The following GPM6A variants were observed in gnomAD, a reference collection of about 807,000 sequenced individuals.
GPM6A encodes the protein glycoprotein M6A.
Under a neutral mutation model 32.1 loss-of-function variants are expected in GPM6A, and 7 were observed. The ratio of observed to expected loss-of-function variants is 0.22; its 90% confidence interval spans 0.12 to 0.41. GPM6A has a LOEUF of 0.41. Ranked by LOEUF, GPM6A falls within the 10% of genes least tolerant of loss-of-function variation. GPM6A has a pLI of 1.00. For synonymous variants in GPM6A, 130 were observed against 123.4 expected (o/e 1.05, Z -0.35); for missense variants, 235 against 347.2 (o/e 0.68, Z 2.57).
chr4:175,667,524 C>CT (rs1232607602), intron 3 of GPM6A, among the ~76,000 whole-genome samples: 9 of 151,928 alleles, frequency 5.9e-5, no homozygotes, highest in African/African-American at 2.2e-4. Context: ...GAACATTTTA[C>CT]AAAAACTAAG....
At chr4:175,674,402 C>T (rs956802249) in intron 2 of GPM6A, among the ~76,000 whole-genome samples, 1 of 152,134 alleles carries the variant, frequency 6.6e-6, no homozygotes, top group Non-Finnish European at 1.5e-5. Context: ...GTTCAAACTC[C>T]TGAGCTCAGG....
chr4:175,729,439 C>A (rs1174790646), intron 1 of GPM6A, among the ~76,000 whole-genome samples: 1 of 152,040 alleles, frequency 6.6e-6, no homozygotes, highest in South Asian at 2.1e-4. Context: ...TCACTATTGA[C>A]AAGTGGGAAG....
chr4:175,683,445 G>C (rs1267498637), intron 2 of GPM6A, among the ~76,000 whole-genome samples: 5 of 152,132 alleles, frequency 3.3e-5, no homozygotes, highest in Non-Finnish European at 1.5e-5. Flanking sequence ...TGTTGGGAAG[G>C]CATGATTATA....
At chr4:175,913,356 A>G (rs989640548) in intron 1 of GPM6A, among the ~76,000 whole-genome samples, 2 of 152,242 alleles carry the variant, frequency 1.3e-5, no homozygotes, top group Non-Finnish European at 2.9e-5. Context: ...GCATCTATGT[A>G]AAGACACTGT....
intron 1 of GPM6A, among the ~76,000 whole-genome samples, chr4:175,928,058 G>A (rs569967154): frequency 5.3e-5 from 8 of 152,174 alleles, no homozygotes; most frequent in East Asian, 1.9e-4. Flanking sequence ...TAAGGAGGAC[G>A]TGAAACTGCA....
chr4:175,735,605 G>C (rs540592182), intron 1 of GPM6A, among the ~76,000 whole-genome samples: 97 of 151,958 alleles, frequency 6.4e-4, no homozygotes, highest in Non-Finnish European at 1.0e-3. Context: ...TGTCACCCAG[G>C]CTGGAGTGCA....
chr4:175,651,602 A>T lies in GPM6A; in HGVS notation c.541+232T>A, dbSNP rs374789413. 7.9e-5 allele frequency among the ~76,000 whole-genome samples: 12 copies of T among 152,276 alleles called. No homozygotes were observed. The East Asian group carries it at 2.3e-3, about 29-fold the overall frequency. ...TCAATATCAGGTAATGTGATCTGACATCCTGGTCAATATACATGTGTATAT... is the reference window on the plus strand; with the variant it reads ...TCAATATCAGGTAATGTGATCTGACTTCCTGGTCAATATACATGTGTATAT... On this transcript the variant is annotated intron_variant, in intron 4 of 6. Transcript: ENST00000393658.
At chr4:175,696,080 A>G (rs1182331229) in intron 2 of GPM6A, among the ~76,000 whole-genome samples, 3 of 152,172 alleles carry the variant, frequency 2.0e-5, no homozygotes, top group African/African-American at 7.2e-5. Flanking sequence ...TTCAGAGTAG[A>G]TGTCATTATT....
intron 6 of GPM6A, among the ~76,000 whole-genome samples, chr4:175,639,091 G>A (rs544956831): frequency 1.6e-4 from 25 of 152,120 alleles, no homozygotes; most frequent in African/African-American, 6.0e-4. Context: ...GTTGAGCAAC[G>A]CTAAAGTAAC....
At position 175,763,948 on chromosome 4, in the gene GPM6A, G is replaced by T. The variant is rs867635932; in HGVS notation, c.37+48243C>A. On this transcript the variant is annotated intron_variant, in intron 1 of 6. Transcript: ENST00000393658. Reference sequence around the variant, plus strand: ...TGCAGTTATCAGAAACATGATTTTGGAAATGTTGTTTTAGTCAATAAGTAA... The same window carrying T: ...TGCAGTTATCAGAAACATGATTTTGTAAATGTTGTTTTAGTCAATAAGTAA... Among the ~76,000 whole-genome samples, 4 of 152,172 alleles carry T rather than the reference G, an allele frequency of 2.6e-5. No homozygotes were observed. In the Middle Eastern group the frequency reaches 0.01, roughly 388 times the overall value.
intron 1 of GPM6A, among the ~76,000 whole-genome samples, chr4:175,770,715 A>G (rs970094240): frequency 6.6e-6 from 1 of 152,120 alleles, no homozygotes; most frequent in Non-Finnish European, 1.5e-5. Context: ...TTGCTGCCTC[A>G]TGGATGACCT....
At chr4:175,914,042 G>A (rs1451106598) in intron 1 of GPM6A, among the ~76,000 whole-genome samples, 5 of 152,060 alleles carry the variant, frequency 3.3e-5, no homozygotes, top group Non-Finnish European at 4.4e-5. Flanking sequence ...AAGCCACAGA[G>A]ACACAAGTCA....
chr4:175,742,557 C>T (rs1731929786), intron 1 of GPM6A, among the ~76,000 whole-genome samples: 1 of 152,088 alleles, frequency 6.6e-6, no homozygotes, highest in East Asian at 1.9e-4. Context: ...GAAAAGAATA[C>T]AGAAGTACAC....
At chr4:175,796,686 G>T (rs1483136787) in intron 1 of GPM6A, among the ~76,000 whole-genome samples, 1 of 152,088 alleles carries the variant, frequency 6.6e-6, no homozygotes, top group East Asian at 1.9e-4. Flanking sequence ...ACCAAATTTG[G>T]ATTATAATTT....
chr4:175,814,626 T>C (rs982807392), upstream of GPM6A, among the ~76,000 whole-genome samples: 1 of 152,222 alleles, frequency 6.6e-6, no homozygotes, highest in Non-Finnish European at 1.5e-5. Context: ...AAACAGGCTT[T>C]TTCATGTGAC....
At chr4:175,805,534 A>C (rs1050044351) in intron 1 of GPM6A, among the ~76,000 whole-genome samples, 1 of 152,200 alleles carries the variant, frequency 6.6e-6, no homozygotes, top group African/African-American at 2.4e-5. Flanking sequence ...TCAGGGATAG[A>C]TTTCATCCAA....
chr4:175,802,861 C>A (rs1023223470), intron 1 of GPM6A, among the ~76,000 whole-genome samples: 2 of 151,994 alleles, frequency 1.3e-5, no homozygotes, highest in African/African-American at 2.4e-5. Context: ...TATGTGTGGG[C>A]TCTTTAATAA....
At chr4:175,948,335 G>T (rs1579654549) in intron 1 of GPM6A, among the ~76,000 whole-genome samples, 3 of 152,310 alleles carry the variant, frequency 2.0e-5, no homozygotes, top group East Asian at 1.9e-4. Context: ...AGACATGAGA[G>T]AAATGATTTT....
At chr4:175,962,002 G>A (rs564595588) in intron 1 of GPM6A, 1 of 569,888 alleles carries the variant, frequency 1.8e-6, no homozygotes, top group Non-Finnish European at 3.2e-6. Context: ...TATTAACAGG[G>A]GAGCACAACT....
Sources: allele counts gnomAD v4.1 joint callset (sites outside exome capture counted in the v4.1 genomes callset), GRCh38; gene constraint gnomAD v4.1.1; transcripts MANE v1.5; gene names NCBI Gene and HGNC (gene_info 2026-07-23, HGNC 2026-07-21).